LINGO2: variants seen among roughly 807,000 people sequenced by gnomAD.
The protein encoded by LINGO2 is leucine rich repeat and Ig domain containing 2.
In LINGO2, 14 loss-of-function variants were observed where a neutral mutation model predicts 30.6. That is an observed-to-expected ratio of 0.46 (90% CI 0.30 to 0.72). The LOEUF is 0.72. Among genes scored for constraint, LINGO2 ranks in the 30% least tolerant of loss-of-function variants. The probability of loss-of-function intolerance (pLI) is 0.07; values close to 1 mark genes in which losing one functional copy is unlikely to be tolerated. For missense variants in LINGO2, 729 were observed against 751.7 expected (o/e 0.97, Z 0.35); for synonymous variants, 317 against 288.5 (o/e 1.10, Z -1.00).
the LINGO2 span, among the ~76,000 whole-genome samples, chr9:28,946,441 A>T: frequency 6.6e-6 from 1 of 152,186 alleles, no homozygotes; most frequent in African/African-American, 2.4e-5. Flanking sequence ...AGGGATATGG[A>T]CATTTATTCA....
intron 2 of LINGO2, among the ~76,000 whole-genome samples, chr9:28,474,295 T>C (rs1327729291): frequency 6.6e-6 from 1 of 152,152 alleles, no homozygotes; most frequent in Non-Finnish European, 1.5e-5. Flanking sequence ...GGATCCACCT[T>C]TATCTCTTAG....
At chr9:28,581,989 C>A (rs1290608810) in intron 1 of LINGO2, among the ~76,000 whole-genome samples, 1 of 151,762 alleles carries the variant, frequency 6.6e-6, no homozygotes, top group Admixed American at 6.6e-5. Flanking sequence ...TCATATTGGC[C>A]CTGTTACTAA....
chr9:28,461,779 C>T (rs1825091194), intron 2 of LINGO2, among the ~76,000 whole-genome samples: 1 of 152,056 alleles, frequency 6.6e-6, no homozygotes, highest in Non-Finnish European at 1.5e-5. Context: ...AGTAGTAGTT[C>T]CTGATTATAT....
the LINGO2 span, among the ~76,000 whole-genome samples, chr9:28,884,978 ATAATATATAATAATATAT>A: frequency 0.3 from 5,835 of 19,276 alleles, 939 homozygotes; most frequent in East Asian, 0.33. Context: ...TATAATATAT[ATAATATATAATAATATAT>A]TATATATATA....
At chr9:28,100,845 G>A (rs147086055) in intron 4 of LINGO2, among the ~76,000 whole-genome samples, 327 of 152,158 alleles carry the variant, frequency 2.1e-3, no homozygotes, top group African/African-American at 7.3e-3. Flanking sequence ...TGAGCTTTGC[G>A]TACGATTGTG....
At chr9:28,674,085 C>T (rs1236642217), upstream of LINGO2, among the ~76,000 whole-genome samples, 1 of 151,534 alleles carries the variant, frequency 6.6e-6, no homozygotes, top group African/African-American at 2.4e-5. Context: ...AGAGAGAAAA[C>T]AATGTTAAAG....
At chr9:28,146,988 C>T (rs559764640) in intron 4 of LINGO2, among the ~76,000 whole-genome samples, 158 of 152,298 alleles carry the variant, frequency 1.0e-3, no homozygotes, top group Non-Finnish European at 1.9e-3. Context: ...TCCCATCAGA[C>T]AAGAAAGAAC....
chr9:28,261,817 A>G (rs1483430662), intron 4 of LINGO2, among the ~76,000 whole-genome samples: 2 of 151,972 alleles, frequency 1.3e-5, no homozygotes, highest in African/African-American at 4.8e-5. Flanking sequence ...TTAAGCTGTC[A>G]TAACAGTGGG....
At chr9:28,028,107 C>T (rs934061939) in intron 4 of LINGO2, among the ~76,000 whole-genome samples, 3 of 152,088 alleles carry the variant, frequency 2.0e-5, no homozygotes, top group African/African-American at 7.2e-5. Context: ...TCTCTCAAAA[C>T]TGTTTTCATC....
intron 1 of LINGO2, among the ~76,000 whole-genome samples, chr9:28,528,220 C>T (rs535800722): frequency 2.1e-4 from 32 of 152,228 alleles, no homozygotes; most frequent in South Asian, 2.1e-3. Context: ...AAAATTACTT[C>T]GGTTTTCTGT....
intron 3 of LINGO2, among the ~76,000 whole-genome samples, chr9:28,357,131 G>A (rs1215206675): frequency 6.6e-6 from 1 of 152,066 alleles, no homozygotes; most frequent in African/African-American, 2.4e-5. Flanking sequence ...AATTGGGATA[G>A]CCAATAGTTA....
the LINGO2 span, among the ~76,000 whole-genome samples, chr9:28,713,666 A>G: frequency 6.6e-6 from 1 of 152,138 alleles, no homozygotes; most frequent in East Asian, 1.9e-4. Context: ...TTGAGTAAGC[A>G]GTTTTGTGTG....
chr9:27,973,785 A>G (rs78942260), intron 5 of LINGO2, among the ~76,000 whole-genome samples: 60 of 152,266 alleles, frequency 3.9e-4, no homozygotes, highest in African/African-American at 1.2e-3. Flanking sequence ...TTTAAGAATA[A>G]TCAAAGGACA....
chr9:28,437,920 C>T (rs1824018797), intron 2 of LINGO2, among the ~76,000 whole-genome samples: 1 of 152,150 alleles, frequency 6.6e-6, no homozygotes, highest in African/African-American at 2.4e-5. Flanking sequence ...GATCCAACTA[C>T]CTCCTCCTCT....
At chr9:29,042,946 T>C in the LINGO2 span, among the ~76,000 whole-genome samples, 4 of 151,808 alleles carry the variant, frequency 2.6e-5, no homozygotes, top group Non-Finnish European at 5.9e-5. Flanking sequence ...AGGGTAGCAA[T>C]GGTAGTGGAT....
intron 1 of LINGO2, among the ~76,000 whole-genome samples, chr9:28,597,936 TG>T (rs1264871787): frequency 6.6e-6 from 1 of 151,968 alleles, no homozygotes; most frequent in Non-Finnish European, 1.5e-5. Context: ...AGCTAATTTT[TG>T]TATTTTTAGT....
the LINGO2 span, among the ~76,000 whole-genome samples, chr9:28,973,015 C>A: frequency 6.6e-6 from 1 of 152,024 alleles, no homozygotes; most frequent in Non-Finnish European, 1.5e-5. Flanking sequence ...GAATGAAAAA[C>A]AATAAAGCAT....
the LINGO2 span, among the ~76,000 whole-genome samples, chr9:29,152,299 C>A: frequency 1.3e-5 from 2 of 152,134 alleles, no homozygotes; most frequent in African/African-American, 4.8e-5. Context: ...ACCCAACATT[C>A]TCATTAATAG....
intron 2 of LINGO2, among the ~76,000 whole-genome samples, chr9:28,405,800 C>A (rs1381855391): frequency 1.3e-5 from 2 of 152,120 alleles, no homozygotes; most frequent in Non-Finnish European, 2.9e-5. Flanking sequence ...CACCTCCAAT[C>A]AATACTTAAG....
Sources: gnomAD v4.1 joint callset for allele counts (sites outside exome capture counted in the v4.1 genomes callset) on GRCh38, gnomAD v4.1.1 for gene constraint, MANE v1.5 for transcripts, NCBI Gene and HGNC (gene_info 2026-07-23, HGNC 2026-07-21) for gene names.